The following PNPLA8 variants were observed in gnomAD, a reference collection of about 807,000 sequenced individuals.
The protein encoded by PNPLA8 is patatin like domain 8, phospholipase A2.
A neutral mutation model predicts 76.9 loss-of-function variants in PNPLA8; 39 were observed. The ratio of observed to expected loss-of-function variants is 0.51; its 90% CI spans 0.39 to 0.66. The LOEUF (loss-of-function observed/expected upper bound fraction) is 0.66, where lower values mean the gene tolerates loss of function less well. Ranked by LOEUF, PNPLA8 falls within the 30% of genes least tolerant of loss-of-function variation. The pLI, the probability that PNPLA8 is intolerant of heterozygous loss-of-function variation, is 0.00. For synonymous variants in PNPLA8, 301 were observed against 307.9 expected (o/e 0.98, Z 0.24); for missense variants, 887 against 918.0 (o/e 0.97, Z 0.44).
At chr7:108,498,733 G>A (rs1177343588) in intron 5 of PNPLA8, among the ~76,000 whole-genome samples, 3 of 152,114 alleles carry the variant, frequency 2.0e-5, no homozygotes, top group Non-Finnish European at 2.9e-5. Context: ...GAAGGAATGC[G>A]AAACGATGAA....
At position 108,522,062 on chromosome 7, in the gene PNPLA8, G is replaced by A. The variant is rs562170647; in HGVS notation, c.-129-541C>T. The stretch of plus-strand genomic sequence containing the variant: ...TGTACTCCCAGCACTTTGGGAGGCC[G>A]AGGTGGGTGGATGACGAAGTCAGGA... On this transcript the variant is annotated intron_variant, in intron 1 of 10. Coordinates refer to ENST00000257694, the MANE Select transcript of PNPLA8 (RefSeq NM_001256007.3). Among the ~76,000 whole-genome samples, 10 of 152,210 alleles carry A rather than the reference G, an allele frequency of 6.6e-5. No homozygotes were observed. The South Asian group carries it at 1.9e-3, about 28-fold the overall frequency.
intron 4 of PNPLA8, among the ~76,000 whole-genome samples, chr7:108,511,694 T>C (rs1376852563): frequency 6.6e-6 from 1 of 152,188 alleles, no homozygotes; most frequent in African/African-American, 2.4e-5. Flanking sequence ...TCAGATGCAA[T>C]GTGTGATCTA....
chr7:108,522,223 G>A (rs1863789914), intron 1 of PNPLA8, among the ~76,000 whole-genome samples: 1 of 151,728 alleles, frequency 6.6e-6, no homozygotes. Flanking sequence ...GAACCCGGGA[G>A]GCGGAGATTG....
chr7:108,490,118 C>T (rs74340198), intron 8 of PNPLA8, among the ~76,000 whole-genome samples: 5,475 of 151,580 alleles, frequency 0.036, 153 homozygotes, highest in Middle Eastern at 0.058. Context: ...ATTTGTATAT[C>T]TGTAGATACG....
intron 5 of PNPLA8, among the ~76,000 whole-genome samples, chr7:108,499,177 GTT>G: frequency 6.6e-6 from 1 of 152,130 alleles, no homozygotes; most frequent in South Asian, 2.1e-4. Flanking sequence ...GCACGTATAT[GTT>G]CACACAGAAA....
chr7:108,486,757 T>C (rs1307672779), intron 9 of PNPLA8, among the ~76,000 whole-genome samples: 2 of 152,146 alleles, frequency 1.3e-5, no homozygotes, highest in Non-Finnish European at 2.9e-5. Context: ...TTGAAGTTTA[T>C]ATTGCTGACA....
intron 4 of PNPLA8, among the ~76,000 whole-genome samples, chr7:108,504,602 T>C (rs191211290): frequency 5.3e-5 from 8 of 152,202 alleles, no homozygotes; most frequent in Admixed American, 2.0e-4. Context: ...CTTTTAAAAA[T>C]TTTTTTGTAG....
At chr7:108,491,898 C>T (rs1449071464) in intron 7 of PNPLA8, among the ~76,000 whole-genome samples, 3 of 152,132 alleles carry the variant, frequency 2.0e-5, no homozygotes, top group Admixed American at 1.3e-4. Context: ...GAAGTATGCA[C>T]GGGCTAGTTA....
intron 5 of PNPLA8, among the ~76,000 whole-genome samples, chr7:108,500,914 C>CA (rs35813927): frequency 0.11 from 15,381 of 145,050 alleles, 786 homozygotes; most frequent in Non-Finnish European, 0.11. Context: ...AACTCCGTCT[C>CA]AAAAAAAAAA....
At chr7:108,493,491 A>G (rs1269210350) in intron 7 of PNPLA8, among the ~76,000 whole-genome samples, 1 of 137,896 alleles carries the variant, frequency 7.3e-6, no homozygotes, top group Non-Finnish European at 1.5e-5. Context: ...TGCAAGCTCC[A>G]CCTCCCAGGT....
chr7:108,481,729 C>T (rs1860410964), intron 9 of PNPLA8, among the ~76,000 whole-genome samples: 1 of 152,030 alleles, frequency 6.6e-6, no homozygotes, highest in Non-Finnish European at 1.5e-5. Context: ...ATGATGATTT[C>T]AGTATAATTG....
chr7:108,487,665 A>T, intron 9 of PNPLA8, 94 bp downstream of exon 9: 1 of 667,366 alleles, frequency 1.5e-6, no homozygotes, highest in Non-Finnish European at 2.5e-6. Context: ...AAAGTCTCCT[A>T]GGTTGATCCT....
chr7:108,509,944 G>A (rs945570593), intron 4 of PNPLA8, among the ~76,000 whole-genome samples: 3 of 141,398 alleles, frequency 2.1e-5, no homozygotes, highest in South Asian at 2.3e-4. Context: ...ACCAAACACC[G>A]CATATTCTCA....
intron 2 of PNPLA8, among the ~76,000 whole-genome samples, chr7:108,515,897 T>C (rs1377532230): frequency 6.6e-6 from 1 of 152,230 alleles, no homozygotes; most frequent in Non-Finnish European, 1.5e-5. Flanking sequence ...TTTTTTCCCT[T>C]CCTCATTGTT....
rs529818444 is a variant in PNPLA8, at chr7:108,479,236, T to G, written c.2022A>C (p.Thr674=). The G allele has an allele frequency of 1.2e-6, 2 of 1,613,716 alleles. No homozygotes were observed. The highest frequency in any genetic ancestry group is 2.2e-5 in the South Asian group (2 of 91,064). ...CATTAGAAAGTTTAGTTTTCAAGCT[T>G]GTGTATGTTACCGTGTTTCTCACAT... ...ESDVRNTVTY[T]SLKTKLSNVI... Residue 674 remains threonine, a synonymous_variant, in exon 10 of 11, where the codon ACA becomes ACC. Coordinates refer to ENST00000257694, the MANE Select transcript of PNPLA8 (RefSeq NM_001256007.3).
Position 108,470,639 on chromosome 7 carries a change from T to C in PNPLA8, c.*1762A>G, listed in dbSNP as rs922730204. 3.3e-5 allele frequency: 5 copies of C among 152,178 alleles called. No homozygotes were observed. Among genetic ancestry groups the C allele is most frequent in the African/African-American group, 1.2e-4 (5 of 41,456 alleles). 9.4% of individuals were successfully genotyped at this position (152,178 alleles called of 1,614,324 possible). A position where few individuals can be genotyped will look rare whatever the true frequency, so the allele number is the denominator to read the frequency against. ...CCAGAAATATTCTGATTTCCAATTA[T>C]TTGTTTTTTTCTTGCATTTACAAGT... On this transcript the variant is annotated 3_prime_UTR_variant, in exon 11 of 11. Coordinates refer to ENST00000257694, the MANE Select transcript of PNPLA8 (RefSeq NM_001256007.3).
chr7:108,501,519 A>G (rs1861947007), intron 5 of PNPLA8, among the ~76,000 whole-genome samples: 1 of 152,192 alleles, frequency 6.6e-6, no homozygotes, highest in Admixed American at 6.5e-5. Context: ...TATGGGTAAG[A>G]TAAGTGTAAT....
At chr7:108,492,902 C>T (rs1008282202) in intron 7 of PNPLA8, among the ~76,000 whole-genome samples, 7 of 152,164 alleles carry the variant, frequency 4.6e-5, no homozygotes, top group African/African-American at 1.7e-4. Context: ...AACAAACATG[C>T]CATTAAACTG....
At chr7:108,510,272 C>T (rs979582649) in intron 4 of PNPLA8, 10 of 1,575,096 alleles carry the variant, frequency 6.3e-6, no homozygotes, top group Non-Finnish European at 8.6e-6. Flanking sequence ...TCCTGCTGTG[C>T]CAGAAACCCT....
Sources: gnomAD v4.1 joint callset for allele counts (sites outside exome capture counted in the v4.1 genomes callset) on GRCh38, gnomAD v4.1.1 for gene constraint, MANE v1.5 for transcripts, NCBI Gene and HGNC (gene_info 2026-07-23, HGNC 2026-07-21) for gene names.